The following NCKAP5 variants were observed in gnomAD, a reference collection of about 807,000 sequenced individuals.
NCKAP5 encodes the protein nck-associated protein 5.
NCKAP5 carries 92 observed loss-of-function variants against 167.0 expected under a neutral mutation model. The observed-to-expected ratio is 0.55, with a 90% CI of 0.47 to 0.66. The LOEUF (loss-of-function observed/expected upper bound fraction) is 0.66. Among genes scored for constraint, NCKAP5 ranks in the 30% least tolerant of loss-of-function variants. NCKAP5 has a pLI of 0.00. For missense variants in NCKAP5, 2,378 were observed against 2,315.0 expected (o/e 1.03, Z -0.56); for synonymous variants, 891 against 877.4 (o/e 1.02, Z -0.27).
At chr2:132,921,922 G>A (rs1695465119) in intron 8 of NCKAP5, among the ~76,000 whole-genome samples, 1 of 152,192 alleles carries the variant, frequency 6.6e-6, no homozygotes, top group Non-Finnish European at 1.5e-5. Flanking sequence ...CTCTATCAGA[G>A]TCAATATCAG....
At chr2:132,895,247 C>G (rs1007577667) in intron 8 of NCKAP5, among the ~76,000 whole-genome samples, 1 of 150,054 alleles carries the variant, frequency 6.7e-6, no homozygotes, top group Non-Finnish European at 1.5e-5. Context: ...AGGAGAATAG[C>G]GTGAACCCGG....
chr2:132,830,463 C>T (rs1687442508), intron 11 of NCKAP5, among the ~76,000 whole-genome samples: 1 of 151,856 alleles, frequency 6.6e-6, no homozygotes, highest in Admixed American at 6.6e-5. Flanking sequence ...GGAGGGTAAA[C>T]AGTATCTCAC....
At chr2:133,499,152 A>C (rs1351571421) in intron 3 of NCKAP5, among the ~76,000 whole-genome samples, 1 of 152,164 alleles carries the variant, frequency 6.6e-6, no homozygotes, top group Non-Finnish European at 1.5e-5. Context: ...TTTGTTTGTG[A>C]TTTTGCAGAT....
At chr2:132,995,648 AAAC>A (rs1474815165) in intron 6 of NCKAP5, among the ~76,000 whole-genome samples, 1 of 64,392 alleles carries the variant, frequency 1.6e-5, no homozygotes, top group African/African-American at 7.6e-5. Flanking sequence ...CTCTATCTGA[AAAC>A]AAACAAACAA....
intron 11 of NCKAP5, among the ~76,000 whole-genome samples, chr2:132,814,639 C>T (rs1686124204): frequency 6.6e-6 from 1 of 152,096 alleles, no homozygotes. Context: ...CTTCTGGAAA[C>T]AGAATCCGAG....
At chr2:133,351,254 G>T (rs1389395401) in intron 3 of NCKAP5, among the ~76,000 whole-genome samples, 1 of 151,994 alleles carries the variant, frequency 6.6e-6, no homozygotes, top group Non-Finnish European at 1.5e-5. Context: ...CCACTCACAG[G>T]GTTTTCTCTG....
At chr2:133,178,774 G>A (rs1267374274) in intron 5 of NCKAP5, among the ~76,000 whole-genome samples, 5 of 133,774 alleles carry the variant, frequency 3.7e-5, no homozygotes, top group South Asian at 2.5e-4. Flanking sequence ...GCAGTGAGCC[G>A]AGATAGCGCC....
chr2:133,485,055 T>A (rs186150858), intron 3 of NCKAP5, among the ~76,000 whole-genome samples: 1 of 152,210 alleles, frequency 6.6e-6, no homozygotes, highest in African/African-American at 2.4e-5. Flanking sequence ...TGCCTATCAT[T>A]CCATCATTCA....
intron 1 of NCKAP5, among the ~76,000 whole-genome samples, chr2:133,566,071 CG>C (rs2105047103): frequency 6.6e-6 from 1 of 152,248 alleles, no homozygotes; most frequent in South Asian, 2.1e-4. Flanking sequence ...GAAGGCCCCC[CG>C]CCCCTAGGTA....
intron 5 of NCKAP5, among the ~76,000 whole-genome samples, chr2:133,197,179 A>G (rs974766539): frequency 6.6e-6 from 1 of 152,220 alleles, no homozygotes; most frequent in African/African-American, 2.4e-5. Flanking sequence ...TCAAAGGAGC[A>G]ATACCATAAA....
At chr2:132,983,914 T>C (rs1409278643) in intron 7 of NCKAP5, among the ~76,000 whole-genome samples, 3 of 152,190 alleles carry the variant, frequency 2.0e-5, no homozygotes, top group Admixed American at 6.5e-5. Context: ...TGAACTTCCA[T>C]TGAGCATCCA....
chr2:133,090,599 T>C (rs551525174), intron 6 of NCKAP5, among the ~76,000 whole-genome samples: 1 of 152,280 alleles, frequency 6.6e-6, no homozygotes, highest in South Asian at 2.1e-4. Context: ...CCTCCAGAAC[T>C]GTGAGACAAT....
At chr2:132,873,640 C>G (rs556445983) in intron 9 of NCKAP5, among the ~76,000 whole-genome samples, 67 of 152,168 alleles carry the variant, frequency 4.4e-4, no homozygotes, top group Admixed American at 3.3e-4. Context: ...AAAGGGTGAA[C>G]AGTGAACCCT....
At chr2:133,478,019 T>C (rs1680087757) in intron 3 of NCKAP5, among the ~76,000 whole-genome samples, 1 of 152,212 alleles carries the variant, frequency 6.6e-6, no homozygotes, top group African/African-American at 2.4e-5. Context: ...GAGATTTATA[T>C]GACATTCATC....
chr2:132,948,183 G>T (rs746769498), intron 8 of NCKAP5, among the ~76,000 whole-genome samples: 3 of 152,012 alleles, frequency 2.0e-5, no homozygotes. Flanking sequence ...ATTTTCTATC[G>T]ATGTACCCTT....
chr2:133,207,547 A>G (rs1286085862), intron 5 of NCKAP5, among the ~76,000 whole-genome samples: 1 of 152,182 alleles, frequency 6.6e-6, no homozygotes, highest in Non-Finnish European at 1.5e-5. Context: ...TGACCTTGGA[A>G]AAATTGCTGA....
intron 5 of NCKAP5, among the ~76,000 whole-genome samples, chr2:133,184,465 T>A (rs1032310449): frequency 6.6e-6 from 1 of 152,194 alleles, no homozygotes; most frequent in African/African-American, 2.4e-5. Context: ...CAATTTATAT[T>A]CCTTTGGGTG....
intron 13 of NCKAP5, among the ~76,000 whole-genome samples, chr2:132,789,161 G>C (rs940626967): frequency 1.3e-5 from 2 of 152,230 alleles, no homozygotes; most frequent in African/African-American, 4.8e-5. Context: ...AAGCCTTTGA[G>C]AAGGAGAGAG....
At chr2:133,242,646 G>A (rs1011380210) in intron 4 of NCKAP5, among the ~76,000 whole-genome samples, 1 of 152,162 alleles carries the variant, frequency 6.6e-6, no homozygotes, top group African/African-American at 2.4e-5. Flanking sequence ...AATATCATCA[G>A]CCAGATCTTT....
Sources: allele counts gnomAD v4.1 joint callset (sites outside exome capture counted in the v4.1 genomes callset), GRCh38; gene constraint gnomAD v4.1.1; transcripts MANE v1.5; gene names NCBI Gene and HGNC (gene_info 2026-07-23, HGNC 2026-07-21).